The following CACNB2 variants were observed in gnomAD, a reference collection of about 807,000 sequenced individuals.
CACNB2 encodes the protein voltage-dependent L-type calcium channel subunit beta-2.
In CACNB2, 42 loss-of-function variants were observed where a neutral mutation model predicts 73.3. That is an observed-to-expected ratio of 0.57 (90% CI 0.45 to 0.74). CACNB2 has a LOEUF of 0.74. Ranked by LOEUF, CACNB2 falls within the 30% of genes least tolerant of loss-of-function variation. CACNB2 has a pLI of 0.00. For missense variants in CACNB2, 940 were observed against 853.0 expected (o/e 1.10, Z -1.27); for synonymous variants, 348 against 310.3 (o/e 1.12, Z -1.28).
chr10:18,150,835 C>G, intron 1 of CACNB2, 48 bp from the exon 2 acceptor site: 2 of 1,097,016 alleles, frequency 1.8e-6, no homozygotes, highest in Non-Finnish European at 2.5e-6. Context: ...GTTAAAGGGT[C>G]TCATAATAAT....
intron 3 of CACNB2, among the ~76,000 whole-genome samples, chr10:18,426,275 G>T (rs1468846939): frequency 6.6e-6 from 1 of 152,070 alleles, no homozygotes; most frequent in Non-Finnish European, 1.5e-5. Flanking sequence ...TAATTTAGCT[G>T]TTGAATGTCT....
intron 2 of CACNB2, among the ~76,000 whole-genome samples, chr10:18,222,918 C>G (rs2035851688): frequency 6.6e-6 from 1 of 152,208 alleles, no homozygotes; most frequent in South Asian, 2.1e-4. Context: ...GCCTGGGCGA[C>G]AGAGTGAGAC....
intron 2 of CACNB2, among the ~76,000 whole-genome samples, chr10:18,192,122 A>G (rs2034425482): frequency 6.6e-6 from 1 of 151,812 alleles, no homozygotes; most frequent in Admixed American, 6.6e-5. Flanking sequence ...TCTCCAGCAA[A>G]TGCAGAGGCA....
intron 2 of CACNB2, among the ~76,000 whole-genome samples, chr10:18,156,244 T>C (rs1163943498): frequency 6.6e-6 from 1 of 152,398 alleles, no homozygotes; most frequent in East Asian, 1.9e-4. Context: ...CTTCTTGATA[T>C]GTTTCTGTGT....
In CACNB2 at chr10:18,174,757, T is replaced by A. The variant is rs2033480213; in HGVS notation, c.213+23782T>A. On this transcript the variant is annotated intron_variant, in intron 2 of 13. Transcript: ENST00000324631. The stretch of plus-strand genomic sequence containing the variant: ...GTTCTGTTCTGCTTGATTCAAGTAT[T>A]ACAGACAAGTATGTGTGCCAGATGT... 2.0e-5 allele frequency among the ~76,000 whole-genome samples: 3 copies of A among 152,236 alleles called. No homozygotes were observed. In the South Asian group the frequency reaches 6.2e-4, roughly 32 times the overall value.
chr10:18,222,969 C>T (rs2035853567), intron 2 of CACNB2, among the ~76,000 whole-genome samples: 1 of 152,126 alleles, frequency 6.6e-6, no homozygotes, highest in Non-Finnish European at 1.5e-5. Context: ...AAACTTGCCT[C>T]AAAAGTAAGC....
rs12221161 is a variant in CACNB2 at position 18,285,838 on chromosome 10, G to A, written c.214-116086G>A. Reference sequence around the variant, plus strand: ...TCAAATAGCTTTATGGAATAATATTGCTGTTCATTAGTTTTTAAATCATAA... The same window carrying A: ...TCAAATAGCTTTATGGAATAATATTACTGTTCATTAGTTTTTAAATCATAA... On this transcript the variant is annotated intron_variant, in intron 2 of 13. Coordinates refer to ENST00000324631, the MANE Select transcript of CACNB2 (RefSeq NM_201596.3). Among the ~76,000 whole-genome samples the A allele has an allele frequency of 4.6e-5, 7 of 152,068 alleles. No homozygotes were observed. In the East Asian group the frequency reaches 1.2e-3, roughly 25 times the overall value.
chr10:18,150,106 A>G (rs10828270), intron 1 of CACNB2, among the ~76,000 whole-genome samples: 46,249 of 152,092 alleles, frequency 0.3, 7,992 homozygotes, highest in East Asian at 0.53. Context: ...TACTGCATCT[A>G]TGCTTAGAAT....
At chr10:18,263,305 G>C (rs1361600575) in intron 2 of CACNB2, among the ~76,000 whole-genome samples, 1 of 152,176 alleles carries the variant, frequency 6.6e-6, no homozygotes, top group East Asian at 1.9e-4. Context: ...TCTAGAGGCT[G>C]CTCATTGAAT....
chr10:18,336,684 C>A (rs2041022110), intron 2 of CACNB2, among the ~76,000 whole-genome samples: 1 of 151,994 alleles, frequency 6.6e-6, no homozygotes, highest in Admixed American at 6.6e-5. Flanking sequence ...CAATCATTTG[C>A]ATTTCTCCTA....
chr10:18,171,030 C>G (rs180860985), intron 2 of CACNB2, among the ~76,000 whole-genome samples: 1 of 152,288 alleles, frequency 6.6e-6, no homozygotes, highest in Admixed American at 6.5e-5. Context: ...CCGCTGGCTG[C>G]ATCATTAAAC....
At chr10:18,456,041 G>C (rs1415639359) in intron 3 of CACNB2, among the ~76,000 whole-genome samples, 1 of 152,162 alleles carries the variant, frequency 6.6e-6, no homozygotes. Flanking sequence ...CTACATGCTT[G>C]CCTTTTTTTC....
At chr10:18,224,886 T>A (rs908669385) in intron 2 of CACNB2, among the ~76,000 whole-genome samples, 2 of 152,198 alleles carry the variant, frequency 1.3e-5, no homozygotes, top group Non-Finnish European at 2.9e-5. Flanking sequence ...GCCTCCTCCC[T>A]GCTACATCCT....
chr10:18,182,273 C>T (rs1480833219), intron 2 of CACNB2, among the ~76,000 whole-genome samples: 2 of 151,464 alleles, frequency 1.3e-5, no homozygotes, highest in Non-Finnish European at 2.9e-5. Context: ...ACCAGTGAGC[C>T]GAGATTGCAC....
At chr10:18,351,157 T>A (rs2041690517) in intron 2 of CACNB2, among the ~76,000 whole-genome samples, 1 of 152,010 alleles carries the variant, frequency 6.6e-6, no homozygotes, top group East Asian at 1.9e-4. Context: ...TTTCTTTTTT[T>A]TTTTTTCTTT....
rs560524698 is a variant in CACNB2 at position 18,471,664 on chromosome 10, A to C, written c.334-26691A>C. Among the ~76,000 whole-genome samples the C allele has an allele frequency of 1.2e-4, 18 of 152,270 alleles. No homozygotes were observed. The South Asian group carries it at 3.7e-3, about 32-fold the overall frequency. On this transcript the variant is annotated intron_variant, in intron 3 of 13. Transcript: ENST00000324631. ...AATTACAGCTTAGACTCCTGTCTCT[A>C]CCACATGTAACTATGGCCTGCCATC...
intron 3 of CACNB2, among the ~76,000 whole-genome samples, chr10:18,449,246 G>C (rs7069271): frequency 1.3e-5 from 2 of 152,190 alleles, no homozygotes; most frequent in South Asian, 2.1e-4. Flanking sequence ...TTAGCCGGGC[G>C]TGGTGGCGGG....
intron 2 of CACNB2, among the ~76,000 whole-genome samples, chr10:18,213,114 G>A (rs899966427): frequency 6.6e-6 from 1 of 152,124 alleles, no homozygotes; most frequent in Non-Finnish European, 1.5e-5. Flanking sequence ...TTTCTGGTTC[G>A]TGCACCTGTG....
intron 2 of CACNB2, among the ~76,000 whole-genome samples, chr10:18,181,297 A>C (rs192364548): frequency 6.6e-6 from 1 of 152,110 alleles, no homozygotes; most frequent in African/African-American, 2.4e-5. Flanking sequence ...ATTTTAAGAC[A>C]TTCTCACAAA....
Sources: allele counts gnomAD v4.1 joint callset (sites outside exome capture counted in the v4.1 genomes callset), GRCh38; gene constraint gnomAD v4.1.1; transcripts MANE v1.5; gene names NCBI Gene and HGNC (gene_info 2026-07-23, HGNC 2026-07-21).